Variants in ASPRV1 observed in about 807,000 individuals in gnomAD.
The protein encoded by ASPRV1 is retroviral-like aspartic protease 1.
In ASPRV1, 7 loss-of-function variants were observed where a neutral mutation model predicts 11.0. That is an observed-to-expected ratio of 0.64 (90% CI 0.36 to 1.20). ASPRV1 has a LOEUF of 1.20. ASPRV1 is among the 50% of genes most tolerant of loss of function. The pLI, the probability that ASPRV1 is intolerant of heterozygous loss-of-function variation, is 0.02. For missense variants in ASPRV1, 299 were observed against 320.0 expected, an observed-to-expected ratio of 0.93 and a Z score of 0.50; for synonymous variants, 136 against 138.4, an observed-to-expected ratio of 0.98 and a Z score of 0.12.
At chr2:70,079,375 G>A in the ASPRV1 span, among the ~76,000 whole-genome samples, 3 of 152,142 alleles carry the variant, frequency 2.0e-5, no homozygotes, top group Non-Finnish European at 2.9e-5. Flanking sequence ...CACTGAGGAG[G>A]GGAGGGAGGA....
the ASPRV1 span, among the ~76,000 whole-genome samples, chr2:69,984,663 C>G: frequency 1.2e-4 from 16 of 129,982 alleles, no homozygotes; most frequent in African/African-American, 4.7e-4. Context: ...CTCTGTCACC[C>G]AGGCTGGAGT....
chr2:69,989,706 C>T, the ASPRV1 span, among the ~76,000 whole-genome samples: 22 of 152,222 alleles, frequency 1.4e-4, no homozygotes, highest in Admixed American at 9.2e-4. Flanking sequence ...GGCACTGGCC[C>T]GCCAACCCCA....
At chr2:70,043,898 G>A in the ASPRV1 span, among the ~76,000 whole-genome samples, 2 of 152,044 alleles carry the variant, frequency 1.3e-5, no homozygotes, top group African/African-American at 4.8e-5. Context: ...AACCTCTTTT[G>A]GGGTCATGGG....
chr2:70,053,914 A>C, the ASPRV1 span: 2 of 152,250 alleles, frequency 1.3e-5, no homozygotes, highest in African/African-American at 4.8e-5. Context: ...CATCTTTGCC[A>C]AATGTGTATT....
the ASPRV1 span, among the ~76,000 whole-genome samples, chr2:70,062,292 C>T: frequency 4.0e-5 from 6 of 151,746 alleles, no homozygotes; most frequent in South Asian, 2.1e-4. Flanking sequence ...GCAACAAGAG[C>T]GAAACTCCAT....
the ASPRV1 span, chr2:70,032,229 A>G: frequency 1.3e-5 from 2 of 152,226 alleles, no homozygotes; most frequent in Non-Finnish European, 2.9e-5. Context: ...TACGAGATAA[A>G]TTCTTCTATC....
chr2:69,976,476 G>A, the ASPRV1 span: 1 of 152,186 alleles, frequency 6.6e-6, no homozygotes, highest in Non-Finnish European at 1.5e-5. Flanking sequence ...TCGGGTTCTT[G>A]GATAGCAGAG....
At chr2:70,043,261 T>C in the ASPRV1 span, among the ~76,000 whole-genome samples, 5 of 151,980 alleles carry the variant, frequency 3.3e-5, no homozygotes, top group Non-Finnish European at 5.9e-5. Flanking sequence ...CCACTAAAAA[T>C]ACAAAAATTA....
chr2:69,957,335 GA>G (rs1327877980), downstream of ASPRV1, among the ~76,000 whole-genome samples: 2 of 152,012 alleles, frequency 1.3e-5, no homozygotes, highest in African/African-American at 4.8e-5. Context: ...AAGTTAATTG[GA>G]AAAATGCTAA....
the ASPRV1 span, chr2:70,015,670 AG>A: frequency 6.6e-6 from 1 of 152,336 alleles, no homozygotes; most frequent in South Asian, 2.1e-4. Context: ...CAATAATAGT[AG>A]GGGACTTTAG....
chr2:69,977,413 G>C, the ASPRV1 span, among the ~76,000 whole-genome samples: 6 of 152,132 alleles, frequency 3.9e-5, no homozygotes, highest in African/African-American at 1.4e-4. Context: ...TGCGATTCCT[G>C]CTTCCCCCAC....
the ASPRV1 span, chr2:70,081,121 T>C: frequency 6.6e-6 from 1 of 152,148 alleles, no homozygotes; most frequent in Non-Finnish European, 1.5e-5. Context: ...AGAAGTGATC[T>C]CCTAACAGCA....
chr2:70,002,859 C>A, the ASPRV1 span, among the ~76,000 whole-genome samples: 7 of 152,198 alleles, frequency 4.6e-5, no homozygotes, highest in Non-Finnish European at 1.0e-4. Flanking sequence ...CCAGCTCCCC[C>A]TCGTCCTTCT....
chr2:69,953,264 T>C, the ASPRV1 span, among the ~76,000 whole-genome samples: 2 of 152,172 alleles, frequency 1.3e-5, no homozygotes, highest in Non-Finnish European at 1.5e-5. Flanking sequence ...AGTAAGGGAA[T>C]ATGCAGAGGG....
chr2:70,052,122 A>G, the ASPRV1 span, among the ~76,000 whole-genome samples: 750 of 152,324 alleles, frequency 4.9e-3, 6 homozygotes, highest in African/African-American at 0.017. Context: ...AAGCAAATAA[A>G]TAAGAAAAGT....
chr2:70,035,452 TTC>T, the ASPRV1 span, among the ~76,000 whole-genome samples: 1 of 151,976 alleles, frequency 6.6e-6, no homozygotes, highest in East Asian at 1.9e-4. Context: ...GGAAGACTGT[TTC>T]ACACAGCTCA....
At chr2:70,045,039 C>T in the ASPRV1 span, among the ~76,000 whole-genome samples, 4 of 152,140 alleles carry the variant, frequency 2.6e-5, no homozygotes, top group Middle Eastern at 3.2e-3. Flanking sequence ...ATCTTTCCCA[C>T]ATATGTTGCT....
the ASPRV1 span, among the ~76,000 whole-genome samples, chr2:70,029,371 T>C: frequency 6.6e-6 from 1 of 152,128 alleles, no homozygotes; most frequent in African/African-American, 2.4e-5. Flanking sequence ...CCAGGCACGG[T>C]AGCTCACACC....
At chr2:70,063,562 G>A in the ASPRV1 span, among the ~76,000 whole-genome samples, 1 of 152,164 alleles carries the variant, frequency 6.6e-6, no homozygotes, top group Admixed American at 6.5e-5. Flanking sequence ...GACTACTGCA[G>A]GCTTCTGTAC....
Sources: gnomAD v4.1 joint callset for allele counts (sites outside exome capture counted in the v4.1 genomes callset) on GRCh38, gnomAD v4.1.1 for gene constraint, MANE v1.5 for transcripts, NCBI Gene and HGNC (gene_info 2026-07-23, HGNC 2026-07-21) for gene names.